Variants in GLIS3 observed in about 807,000 individuals in gnomAD.
The protein encoded by GLIS3 is GLIS family zinc finger 3.
In GLIS3, 53 loss-of-function variants were observed where a neutral mutation model predicts 78.6. That is an observed-to-expected ratio of 0.67 (90% confidence interval 0.54 to 0.85). GLIS3 has a LOEUF of 0.85. Ranked by LOEUF, GLIS3 falls within the 40% of genes least tolerant of loss-of-function variation. The pLI is 0.00. For missense variants in GLIS3, 1,703 were observed against 1,231.1 expected (o/e 1.38, Z -5.74); for synonymous variants, 684 against 509.9 (o/e 1.34, Z -4.60).
At chr9:4,471,955 C>G in the GLIS3 span, among the ~76,000 whole-genome samples, 35 of 152,270 alleles carry the variant, frequency 2.3e-4, no homozygotes, top group Middle Eastern at 3.4e-3. Flanking sequence ...AGGATGTGAA[C>G]AGACACTTTT....
intron 4 of GLIS3, among the ~76,000 whole-genome samples, chr9:4,006,623 C>T (rs1393499231): frequency 1.3e-5 from 2 of 152,268 alleles, no homozygotes; most frequent in East Asian, 1.9e-4. Flanking sequence ...ATGAACAGAG[C>T]ACTGTCATCT....
intron 2 of GLIS3, among the ~76,000 whole-genome samples, chr9:4,141,311 G>A (rs1833796501): frequency 1.3e-5 from 2 of 152,182 alleles, no homozygotes; most frequent in South Asian, 4.1e-4. Context: ...GGCAGTGGGG[G>A]TAAAAGGTAT....
In GLIS3 at chr9:4,286,368, G is replaced by A. The variant is rs376177800; in HGVS notation, c.58C>T (p.Pro20Ser). 4 of 1,614,062 alleles carry A rather than the reference G, an allele frequency of 2.5e-6. No homozygotes were observed. The highest frequency in any genetic ancestry group is 2.7e-5 in the African/African-American group (2 of 74,932). The change falls in exon 2 of 11, where the codon CCT (proline) becomes TCT (serine). Residue 20 changes from proline to serine, a missense_variant. By Grantham distance (74) the Pro-to-Ser change is moderately conservative (BLOSUM62 -1). Transcript: ENST00000381971. ...LHRTSGTPQG[P>S]RMVSGHHIPA... ...ATGTGATGACCACTGACCATCCTAG[G>A]CCCCTGTGGGGTTCCCGATGTCCGG...
chr9:4,290,102 T>C (rs1199727978), intron 1 of GLIS3, among the ~76,000 whole-genome samples: 2 of 152,142 alleles, frequency 1.3e-5, no homozygotes, highest in Non-Finnish European at 2.9e-5. Context: ...ACTTCCATAA[T>C]GCCTATTTAC....
intron 4 of GLIS3, among the ~76,000 whole-genome samples, chr9:4,032,127 C>A (rs1428431813): frequency 6.6e-6 from 1 of 152,224 alleles, no homozygotes; most frequent in Non-Finnish European, 1.5e-5. Context: ...TCAGGCAGAT[C>A]TAAGTGCCTT....
At chr9:4,055,209 T>A (rs1171346498) in intron 4 of GLIS3, among the ~76,000 whole-genome samples, 2 of 152,204 alleles carry the variant, frequency 1.3e-5, no homozygotes. Context: ...TTGACATCAA[T>A]AGAGTTGGCA....
chr9:4,244,624 G>C (rs1488182213), intron 2 of GLIS3, among the ~76,000 whole-genome samples: 1 of 151,982 alleles, frequency 6.6e-6, no homozygotes, highest in African/African-American at 2.4e-5. Context: ...ACCCAGGCTG[G>C]AATGCAATGG....
At chr9:4,236,321 A>T (rs145298454) in intron 2 of GLIS3, among the ~76,000 whole-genome samples, 1 of 152,150 alleles carries the variant, frequency 6.6e-6, no homozygotes, top group African/African-American at 2.4e-5. Context: ...TGTGGTTTAC[A>T]TCAGTACGTC....
the GLIS3 span, among the ~76,000 whole-genome samples, chr9:4,370,021 G>C: frequency 6.6e-6 from 1 of 151,736 alleles, no homozygotes; most frequent in African/African-American, 2.4e-5. Context: ...GTGAAACTCC[G>C]TCTGTACTAA....
the GLIS3 span, among the ~76,000 whole-genome samples, chr9:4,361,220 C>T: frequency 6.6e-6 from 1 of 152,180 alleles, no homozygotes; most frequent in African/African-American, 2.4e-5. Context: ...TTTCTCTAGG[C>T]AGTCTTAATG....
the GLIS3 span, among the ~76,000 whole-genome samples, chr9:4,403,816 A>T: frequency 6.6e-6 from 1 of 152,268 alleles, no homozygotes; most frequent in East Asian, 1.9e-4. Flanking sequence ...GAAGGAAGAG[A>T]ACAATGCAAA....
At chr9:4,158,180 G>C (rs1171874761) in intron 2 of GLIS3, among the ~76,000 whole-genome samples, 1 of 152,052 alleles carries the variant, frequency 6.6e-6, no homozygotes, top group Non-Finnish European at 1.5e-5. Context: ...ATTCTGTCGA[G>C]AATTCCTTCT....
intron 8 of GLIS3, among the ~76,000 whole-genome samples, chr9:3,864,852 G>T (rs1205290233): frequency 1.3e-5 from 2 of 152,316 alleles, no homozygotes; most frequent in South Asian, 2.1e-4. Flanking sequence ...CTACTGTTGC[G>T]TATCTCCAGC....
At chr9:4,432,573 C>A in the GLIS3 span, among the ~76,000 whole-genome samples, 1 of 151,734 alleles carries the variant, frequency 6.6e-6, no homozygotes, top group African/African-American at 2.4e-5. Context: ...TATACACAAG[C>A]CTTGTGTTCC....
In GLIS3 at chr9:3,852,880, T is replaced by C. The variant is rs145195862; in HGVS notation, c.2473+3129A>G. On this transcript the variant is annotated intron_variant, in intron 9 of 10. Transcript: ENST00000381971. ...TTTTAGGGCTGATATTAGCAGTTTC[T>C]CATTGGCCATGGGGAATTTTTTAAC... Among the ~76,000 whole-genome samples, 12 of 152,328 alleles carry C rather than the reference T, an allele frequency of 7.9e-5. No individual in the cohort carries two copies. The East Asian group carries it at 2.3e-3, about 29-fold the overall frequency.
chr9:4,313,031 A>G (rs780169412), intron 2 of GLIS3, among the ~76,000 whole-genome samples: 9 of 152,238 alleles, frequency 5.9e-5, no homozygotes, highest in Non-Finnish European at 1.0e-4. Context: ...TTGTGGCTTC[A>G]GAGTCTGTCC....
At chr9:4,292,106 T>A (rs1055763557) in intron 1 of GLIS3, among the ~76,000 whole-genome samples, 1 of 152,156 alleles carries the variant, frequency 6.6e-6, no homozygotes, top group Admixed American at 6.5e-5. Flanking sequence ...GAAAGTACCA[T>A]GCCTTGGGCC....
At chr9:4,316,859 G>A (rs10814929) in intron 2 of GLIS3, among the ~76,000 whole-genome samples, 1 of 151,900 alleles carries the variant, frequency 6.6e-6, no homozygotes, top group African/African-American at 2.4e-5. Flanking sequence ...GAGAAGTGTT[G>A]GTGATCTTTA....
intron 2 of GLIS3, among the ~76,000 whole-genome samples, chr9:4,327,995 C>T (rs1817627924): frequency 2.0e-5 from 3 of 152,298 alleles, no homozygotes; most frequent in African/African-American, 7.2e-5. Flanking sequence ...AAAGCCTCCA[C>T]ATGCACGTGA....
Sources: allele counts gnomAD v4.1 joint callset (sites outside exome capture counted in the v4.1 genomes callset), GRCh38; gene constraint gnomAD v4.1.1; transcripts MANE v1.5; gene names NCBI Gene and HGNC (gene_info 2026-07-23, HGNC 2026-07-21).